The following CCDC85A variants were observed in gnomAD, a reference collection of about 807,000 sequenced individuals.
The protein encoded by CCDC85A is coiled-coil domain-containing protein 85A.
A neutral mutation model predicts 50.2 loss-of-function variants in CCDC85A; 38 were observed. That is an observed-to-expected ratio of 0.76 (90% CI 0.58 to 0.99). CCDC85A has a LOEUF of 0.99. Among genes scored for constraint, CCDC85A ranks in the 50% least tolerant of loss-of-function variants. The pLI is 0.00. For synonymous variants in CCDC85A, 366 were observed against 301.4 expected, an observed-to-expected ratio of 1.21 and a Z score of -2.22; for missense variants, 820 against 742.0, an observed-to-expected ratio of 1.11 and a Z score of -1.22.
intron 3 of CCDC85A, among the ~76,000 whole-genome samples, chr2:56,347,324 A>G (rs1162875575): frequency 1.3e-5 from 2 of 152,202 alleles, no homozygotes; most frequent in Non-Finnish European, 2.9e-5. Flanking sequence ...TGTTCTTTCT[A>G]GCATGTGCAC....
At chr2:56,280,066 C>A (rs1303924557) in intron 2 of CCDC85A, among the ~76,000 whole-genome samples, 1 of 152,184 alleles carries the variant, frequency 6.6e-6, no homozygotes, top group Non-Finnish European at 1.5e-5. Flanking sequence ...TACATACTAT[C>A]CTCACCCCCC....
chr2:56,307,702 G>A (rs997401412), intron 2 of CCDC85A, among the ~76,000 whole-genome samples: 1 of 152,116 alleles, frequency 6.6e-6, no homozygotes, highest in Admixed American at 6.6e-5. Context: ...ATTAAAGACT[G>A]CCCAAAGTAA....
At chr2:56,273,608 C>G (rs1430673974) in intron 2 of CCDC85A, among the ~76,000 whole-genome samples, 1 of 151,520 alleles carries the variant, frequency 6.6e-6, no homozygotes, top group Non-Finnish European at 1.5e-5. Flanking sequence ...TTCATATAAC[C>G]TTCTTGGAAG....
chr2:56,217,991 G>T (rs1481192368), intron 2 of CCDC85A, among the ~76,000 whole-genome samples: 1 of 151,844 alleles, frequency 6.6e-6, no homozygotes, highest in South Asian at 2.1e-4. Flanking sequence ...TGGTTTTACA[G>T]ACTCTGAGTT....
Position 56,184,762 on chromosome 2 carries a change from G to T in CCDC85A, c.138G>T (p.Gln46His). The T allele has an allele frequency of 1.3e-6, 2 of 1,545,684 alleles. No homozygotes were observed. The highest frequency in any genetic ancestry group is 2.0e-4 in the Middle Eastern group (1 of 5,112). Residue 46 changes from glutamine to histidine, a missense_variant, in exon 1 of 6, where the codon CAG becomes CAT. Transcript: ENST00000407595. ...LSKVSDEELL[Q>H]WSKEELIRSL... ...AAGTGTCGGACGAGGAGCTGCTGCAGTGGAGCAAGGAGGAGCTGATCCGCA... is the reference window on the plus strand; with the variant it reads ...AAGTGTCGGACGAGGAGCTGCTGCATTGGAGCAAGGAGGAGCTGATCCGCA...
intron 2 of CCDC85A, among the ~76,000 whole-genome samples, chr2:56,288,050 C>T (rs925862012): frequency 2.6e-5 from 4 of 152,134 alleles, no homozygotes; most frequent in Non-Finnish European, 5.9e-5. Context: ...AGCCTGGCGT[C>T]AGCTTCACCC....
intron 1 of CCDC85A, among the ~76,000 whole-genome samples, chr2:56,188,836 C>A (rs1240010205): frequency 6.6e-6 from 1 of 152,212 alleles, no homozygotes; most frequent in Non-Finnish European, 1.5e-5. Context: ...AGTCCATAAA[C>A]ACATATTGAG....
intron 2 of CCDC85A, among the ~76,000 whole-genome samples, chr2:56,275,587 A>T (rs1670897408): frequency 6.6e-6 from 1 of 152,200 alleles, no homozygotes; most frequent in Non-Finnish European, 1.5e-5. Flanking sequence ...GCAAAGAGTG[A>T]AAAATGGAAA....
chr2:56,305,557 A>G (rs189782029), intron 2 of CCDC85A, among the ~76,000 whole-genome samples: 4 of 152,236 alleles, frequency 2.6e-5, no homozygotes, highest in African/African-American at 9.6e-5. Flanking sequence ...TCAGAAGGCA[A>G]GGGCACAGCC....
At chr2:56,305,548 C>T (rs1672404544) in intron 2 of CCDC85A, among the ~76,000 whole-genome samples, 1 of 152,310 alleles carries the variant, frequency 6.6e-6, no homozygotes, top group Non-Finnish European at 1.5e-5. Context: ...CAGAGTTATT[C>T]AGAAGGCAAG....
chr2:56,269,680 C>T (rs1573140004), intron 2 of CCDC85A, among the ~76,000 whole-genome samples: 2 of 152,128 alleles, frequency 1.3e-5, no homozygotes, highest in East Asian at 1.9e-4. Context: ...GCTTTAAAAT[C>T]CTCTGTTTTT....
At chr2:56,286,898 C>A (rs186770967) in intron 2 of CCDC85A, among the ~76,000 whole-genome samples, 1 of 152,238 alleles carries the variant, frequency 6.6e-6, no homozygotes, top group Admixed American at 6.5e-5. Context: ...TTTCTTGATC[C>A]TGTTGGACTT....
chr2:56,371,680 TTTTTC>T (rs1279035155), intron 3 of CCDC85A, among the ~76,000 whole-genome samples: 7 of 152,028 alleles, frequency 4.6e-5, no homozygotes, highest in African/African-American at 1.7e-4. Context: ...ATTAAGGACT[TTTTTC>T]TTTTCAATTA....
intron 2 of CCDC85A, among the ~76,000 whole-genome samples, chr2:56,231,178 C>G (rs887974048): frequency 2.6e-5 from 4 of 152,188 alleles, no homozygotes; most frequent in African/African-American, 9.7e-5. Flanking sequence ...ATGACATTCT[C>G]TCATGGAAGA....
At chr2:56,319,054 T>C (rs936028278) in intron 2 of CCDC85A, among the ~76,000 whole-genome samples, 5 of 152,086 alleles carry the variant, frequency 3.3e-5, no homozygotes, top group Non-Finnish European at 7.4e-5. Flanking sequence ...CCATCTCTGC[T>C]GGAGAGAGCC....
At chr2:56,211,640 AC>A (rs1677182200) in intron 2 of CCDC85A, among the ~76,000 whole-genome samples, 1 of 152,048 alleles carries the variant, frequency 6.6e-6, no homozygotes, top group Admixed American at 6.6e-5. Context: ...AGAAGGCATC[AC>A]AATTTCCCTG....
At chr2:56,370,428 A>T (rs554951100) in intron 3 of CCDC85A, among the ~76,000 whole-genome samples, 3 of 152,252 alleles carry the variant, frequency 2.0e-5, no homozygotes, top group African/African-American at 7.2e-5. Flanking sequence ...ATATGCTGAC[A>T]TGGGGAGAAA....
At chr2:56,274,907 A>G (rs55807285) in intron 2 of CCDC85A, among the ~76,000 whole-genome samples, 8,375 of 152,210 alleles carry the variant, frequency 0.055, 317 homozygotes, top group Admixed American at 0.15. Context: ...CCTTCTTGCT[A>G]TGTCCTCACA....
intron 2 of CCDC85A, among the ~76,000 whole-genome samples, chr2:56,215,446 G>A (rs1206801689): frequency 6.6e-6 from 1 of 151,826 alleles, no homozygotes; most frequent in East Asian, 1.9e-4. Flanking sequence ...AATGGTGGGA[G>A]AGGACATTTT....
Sources: allele counts gnomAD v4.1 joint callset (sites outside exome capture counted in the v4.1 genomes callset), GRCh38; gene constraint gnomAD v4.1.1; transcripts MANE v1.5; gene names NCBI Gene and HGNC (gene_info 2026-07-23, HGNC 2026-07-21).